SCN10A: variants seen among roughly 807,000 people sequenced by gnomAD.
SCN10A encodes sodium voltage-gated channel alpha subunit 10, also known as sodium channel protein type 10 subunit alpha.
In SCN10A, 162 loss-of-function variants were observed where a neutral mutation model predicts 170.7. The ratio of observed to expected loss-of-function variants is 0.95; its 90% CI spans 0.84 to 1.08. SCN10A has a LOEUF of 1.08. Among genes scored for constraint, SCN10A ranks in the 50% least tolerant of loss-of-function variants. SCN10A has a pLI of 0.00. For synonymous variants in SCN10A, 985 were observed against 904.6 expected (o/e 1.09, Z -1.59); for missense variants, 2,527 against 2,436.9 (o/e 1.04, Z -0.78).
intron 1 of SCN10A, among the ~76,000 whole-genome samples, chr3:38,813,689 T>A (rs1206547436): frequency 1.3e-5 from 2 of 152,174 alleles, no homozygotes; most frequent in Non-Finnish European, 2.9e-5. Context: ...GCTCTAGATA[T>A]CTTTGGAGAA....
At chr3:38,707,943 A>G (rs563427850) in intron 25 of SCN10A, among the ~76,000 whole-genome samples, 1 of 152,332 alleles carries the variant, frequency 6.6e-6, no homozygotes, top group South Asian at 2.1e-4. Flanking sequence ...CTGCTGTTAC[A>G]GTGCCAGAAA....
At chr3:38,790,772 T>C (rs573205862) in intron 3 of SCN10A, among the ~76,000 whole-genome samples, 2 of 152,220 alleles carry the variant, frequency 1.3e-5, no homozygotes, top group South Asian at 4.1e-4. Context: ...AGTTTCATTA[T>C]CTGTAAAATG....
intron 1 of SCN10A, among the ~76,000 whole-genome samples, chr3:38,814,787 T>A (rs2064461868): frequency 6.6e-6 from 1 of 152,214 alleles, no homozygotes; most frequent in Admixed American, 6.5e-5. Flanking sequence ...CTCTAAAACC[T>A]TCCTAACATT....
intron 13 of SCN10A, among the ~76,000 whole-genome samples, chr3:38,745,802 A>G (rs947555753): frequency 5.3e-5 from 8 of 151,874 alleles, no homozygotes; most frequent in African/African-American, 1.7e-4. Context: ...TTCTGAAGAA[A>G]TTTTTACTCT....
chr3:38,756,628 T>TG, intron 10 of SCN10A, 46 bp downstream of exon 10: 1 of 1,500,952 alleles, frequency 6.7e-7, no homozygotes, highest in Non-Finnish European at 9.2e-7. Flanking sequence ...TATCCAAGAA[T>TG]GGACAGTCTG....
chr3:38,739,717 G>T (rs1237439994), intron 14 of SCN10A, 29 bp from the exon 15 acceptor site: 1 of 1,551,010 alleles, frequency 6.4e-7, no homozygotes, highest in African/African-American at 1.4e-5. Context: ...TTTCATCACA[G>T]TGGGATCTGT....
intron 20 of SCN10A, among the ~76,000 whole-genome samples, chr3:38,721,817 T>C (rs1484883102): frequency 1.3e-5 from 2 of 152,244 alleles, no homozygotes; most frequent in East Asian, 1.9e-4. Flanking sequence ...AGTGGTTTGA[T>C]AAGGAAAGAT....
Position 38,742,378 on chromosome 3 carries a change from C to G in SCN10A, c.2019G>C (p.Leu673Phe). The G allele has an allele frequency of 1.2e-6, 2 of 1,614,184 alleles. No individual in the cohort carries two copies. Among genetic ancestry groups the G allele is most frequent in the Non-Finnish European group, 8.5e-7 (1 of 1,180,032 alleles). ...TGAAGATGGTGTTCACCACGATGCA[C>G]AAGGTGATGGTGAGCTCTGCAAAGG... is the stretch of plus-strand genomic sequence containing the variant. Reference protein sequence around the residue: ...TDPFAELTITLCIVVNTIFMA... With the variant: ...TDPFAELTITFCIVVNTIFMA... Residue 673 changes from leucine to phenylalanine, a missense_variant, in exon 14 of 28, where the codon TTG (leucine) becomes TTC (phenylalanine). Transcript: ENST00000449082.
At chr3:38,721,120 G>T (rs547242462) in intron 20 of SCN10A, among the ~76,000 whole-genome samples, 1 of 152,100 alleles carries the variant, frequency 6.6e-6, no homozygotes, top group Non-Finnish European at 1.5e-5. Context: ...GCCTCGTCCC[G>T]CACCTGTGCT....
At chr3:38,741,867 T>C (rs2063636291) in intron 14 of SCN10A, among the ~76,000 whole-genome samples, 1 of 152,226 alleles carries the variant, frequency 6.6e-6, no homozygotes, top group South Asian at 2.1e-4. Context: ...TGGCTACTGT[T>C]AATTGTGGTC....
chr3:38,788,782 A>T (rs1290501830), intron 4 of SCN10A, among the ~76,000 whole-genome samples, 174 bp downstream of exon 4: 1 of 152,346 alleles, frequency 6.6e-6, no homozygotes. Flanking sequence ...ATGTATGTTT[A>T]TGAAACAAAT....
intron 14 of SCN10A, among the ~76,000 whole-genome samples, chr3:38,740,718 G>C (rs546336229): frequency 3.3e-5 from 5 of 152,144 alleles, no homozygotes; most frequent in Non-Finnish European, 5.9e-5. Context: ...TCATAATGTT[G>C]TTGTGACACT....
At position 38,728,865 on chromosome 3, in the gene SCN10A, A is replaced by G. The variant is rs750196938; in HGVS notation, c.2317T>C (p.Leu773=). 15 of 1,612,994 alleles carry G rather than the reference A, an allele frequency of 9.3e-6. No individual in the cohort carries two copies. Among genetic ancestry groups the G allele is most frequent in the Non-Finnish European group, 1.3e-5 (15 of 1,179,130 alleles). Residue 773 remains leucine, a synonymous_variant, in exon 16 of 28, where the codon TTA becomes CTA. Transcript: ENST00000449082. ...VFKLAKSWPT[L]NTLIKIIGNS... is the part of the protein sequence containing the mutation. ...CCGATGATCTTGATGAGTGTGTTTA[A>G]GGTGGGCCAGGATTTGGCCAGCTTG...
rs199787775 is a variant in SCN10A, at chr3:38,739,638, G to A, written c.2157C>T (p.Phe719=). Reference sequence around the variant, plus strand: ...TCTTCTGGAAATAATAGTATGGGTCGAAGGCAATGATTTTGAAGACCATTT... The same window carrying A: ...TCTTCTGGAAATAATAGTATGGGTCAAAGGCAATGATTTTGAAGACCATTT... ...TAEMVFKIIA[F]DPYYYFQKKW... Residue 719 remains phenylalanine, a synonymous_variant, in exon 15 of 28, where the codon TTC becomes TTT. Coordinates refer to ENST00000449082, the MANE Select transcript of SCN10A (RefSeq NM_006514.4). 4.3e-6 allele frequency: 7 copies of A among 1,614,040 alleles called. No homozygotes were observed. Among genetic ancestry groups the A allele is most frequent in the Middle Eastern group, 1.6e-4 (1 of 6,062 alleles).
chr3:38,722,610 C>T (rs971504315), intron 19 of SCN10A, among the ~76,000 whole-genome samples, 198 bp from the exon 20 acceptor site: 4 of 152,214 alleles, frequency 2.6e-5, no homozygotes, highest in Non-Finnish European at 5.9e-5. Flanking sequence ...TCCTCTCCAT[C>T]ATCAGTCTTG....
At chr3:38,703,066 CA>C (rs1007290328) in intron 26 of SCN10A, among the ~76,000 whole-genome samples, 43 of 152,296 alleles carry the variant, frequency 2.8e-4, no homozygotes, top group African/African-American at 9.9e-4. Context: ...CCATGTACCT[CA>C]GGGGTTAGGC....
At chr3:38,737,772 CT>C (rs2063581597) in intron 15 of SCN10A, among the ~76,000 whole-genome samples, 2 of 95,172 alleles carry the variant, frequency 2.1e-5, no homozygotes, top group East Asian at 7.1e-4. Flanking sequence ...CTCCCTCCCT[CT>C]CTCTCTCCCT....
intron 15 of SCN10A, among the ~76,000 whole-genome samples, chr3:38,732,103 T>C (rs2063518649): frequency 6.6e-6 from 1 of 152,164 alleles, no homozygotes; most frequent in African/African-American, 2.4e-5. Context: ...TAAATAAACA[T>C]TGAGTGGACA....
intron 5 of SCN10A, among the ~76,000 whole-genome samples, chr3:38,769,121 T>C (rs1334601582): frequency 1.3e-5 from 2 of 152,130 alleles, no homozygotes; most frequent in African/African-American, 2.4e-5. Flanking sequence ...TTTTTCTTTA[T>C]ATCTATTTCT....
Sources: allele counts gnomAD v4.1 joint callset (sites outside exome capture counted in the v4.1 genomes callset), GRCh38; gene constraint gnomAD v4.1.1; transcripts MANE v1.5; gene names NCBI Gene and HGNC (gene_info 2026-07-23, HGNC 2026-07-21).